Variants in MXD1 observed in about 807,000 individuals in gnomAD.
The protein encoded by MXD1 is MAX-binding protein.
Under a neutral mutation model 25.7 loss-of-function variants are expected in MXD1, and 9 were observed. The ratio of observed to expected loss-of-function variants is 0.35; its 90% CI spans 0.21 to 0.61. The LOEUF (loss-of-function observed/expected upper bound fraction) is 0.61, where lower values mean the gene tolerates loss of function less well. Ranked by LOEUF, MXD1 falls within the 20% of genes least tolerant of loss-of-function variation. The pLI is 0.75. For synonymous variants in MXD1, 99 were observed against 113.9 expected (o/e 0.87, Z 0.83); for missense variants, 227 against 292.4 (o/e 0.78, Z 1.63).
At chr2:69,934,560 CTCTG>C (rs1215375033) in intron 3 of MXD1, among the ~76,000 whole-genome samples, 2 of 152,282 alleles carry the variant, frequency 1.3e-5, no homozygotes, top group African/African-American at 4.8e-5. Flanking sequence ...CCTTCCTTAT[CTCTG>C]TCTGACTGTT....
At position 69,915,217 on chromosome 2, in the gene MXD1, G is replaced by T. The variant is rs372822770; in HGVS notation, c.-114G>T. ...AGGCTCCCTCAGCCCTGCTCCGCGG[G>T]GTCCACAGCGGGCTCCACAGCGGGC... On this transcript the variant is annotated 5_prime_UTR_variant, in exon 1 of 6. Transcript: ENST00000264444. This position sits in a 1 kb window ranked among gnomAD's most constrained non-coding sequence, Gnocchi z 5.8. 2.1e-5 allele frequency: 20 copies of T among 938,360 alleles called. No individual in the cohort carries two copies. In the African/African-American group the frequency reaches 2.6e-4, roughly 12 times the overall value. The allele number at this position is 938,360 out of a possible 1,614,324, so 58.1% of individuals were successfully genotyped here. A position where few individuals can be genotyped will look rare whatever the true frequency, so the allele number is the denominator to read the frequency against.
intron 5 of MXD1, 52 bp downstream of exon 5, chr2:69,937,446 A>AACAG: frequency 7.6e-7 from 1 of 1,317,690 alleles, no homozygotes; most frequent in Non-Finnish European, 1.0e-6. Context: ...CCAACCCCAG[A>AACAG]GCAGGGGTTC....
intron 3 of MXD1, among the ~76,000 whole-genome samples, chr2:69,930,719 TG>T (rs967472260): frequency 6.6e-6 from 1 of 152,216 alleles, no homozygotes; most frequent in African/African-American, 2.4e-5. Flanking sequence ...AGTTCCCTAT[TG>T]ATTGTAAAAG....
intron 3 of MXD1, among the ~76,000 whole-genome samples, chr2:69,926,191 T>C (rs1677166327): frequency 2.0e-5 from 3 of 152,234 alleles, no homozygotes; most frequent in Admixed American, 6.5e-5. Context: ...CATTTAGCTA[T>C]ACAGAATCAG....
chr2:69,934,199 C>T (rs143771825), intron 3 of MXD1, among the ~76,000 whole-genome samples: 1 of 152,170 alleles, frequency 6.6e-6, no homozygotes, highest in Non-Finnish European at 1.5e-5. Flanking sequence ...CAGTGAACTT[C>T]CCAGTGAATA....
At position 69,935,455 on chromosome 2, in the gene MXD1, T is replaced by A. The variant is rs1471416958; in HGVS notation, c.308T>A (p.Leu103Ter). ...TTLSLLTKAK[L>*]HIKKLEDCDR... Reference sequence around the variant, plus strand: ...TTGAGTTTATTAACAAAAGCCAAATTGCACATAAAGGTAAGTGTATTGTTG... The same window carrying A: ...TTGAGTTTATTAACAAAAGCCAAATAGCACATAAAGGTAAGTGTATTGTTG... The change falls in exon 4 of 6, where the codon TTG (leucine) becomes TAG (stop). Residue 103 changes from leucine to a stop codon, truncating the protein, a stop_gained. Transcript: ENST00000264444. LOFTEE classifies it high-confidence loss of function. 2 of 1,611,086 alleles carry A rather than the reference T, an allele frequency of 1.2e-6. No individual in the cohort carries two copies. Among genetic ancestry groups the A allele is most frequent in the Non-Finnish European group, 8.5e-7 (1 of 1,177,258 alleles).
chr2:69,921,860 C>T, intron 3 of MXD1, 95 bp downstream of exon 3: 4 of 1,156,044 alleles, frequency 3.5e-6, no homozygotes, highest in Non-Finnish European at 5.0e-6. Flanking sequence ...ACTCTTCCCA[C>T]TAGTAGCACC....
At chr2:69,921,830 A>G in intron 3 of MXD1, 65 bp downstream of exon 3, 1 of 1,561,712 alleles carries the variant, frequency 6.4e-7, no homozygotes, top group East Asian at 2.3e-5. Flanking sequence ...CATGCAGTTC[A>G]AACTTGGTTG....
chr2:69,919,246 A>G lies in MXD1; in HGVS notation c.174-2490A>G, dbSNP rs542007549. On this transcript the variant is annotated intron_variant, in intron 2 of 5. Transcript: ENST00000264444. The stretch of plus-strand genomic sequence containing the variant: ...TTATTTTCTACTCTCTTCTCAACCT[A>G]TTCACTTTCCTCTCCTCCACCTACA... Among the ~76,000 whole-genome samples the G allele has an allele frequency of 5.3e-5, 8 of 152,142 alleles. No homozygotes were observed. The South Asian group carries it at 1.7e-3, about 32-fold the overall frequency.
rs1677537050 is a variant in MXD1, at chr2:69,939,117, C to T, written c.*833C>T. On this transcript the variant is annotated 3_prime_UTR_variant, in exon 6 of 6. Coordinates refer to ENST00000264444, the MANE Select transcript of MXD1 (RefSeq NM_002357.4). ...CAGAGATAAATGAGATCTCCATTTCCCACTTAACACAGTGATTATCCTTTT... is the reference window on the plus strand; with the variant it reads ...CAGAGATAAATGAGATCTCCATTTCTCACTTAACACAGTGATTATCCTTTT... 6.6e-6 allele frequency: 1 copy of T among 152,380 alleles called. No homozygotes were observed. The highest frequency in any genetic ancestry group is 2.4e-5 in the African/African-American group (1 of 41,324). The allele number at this position is 152,380 out of a possible 1,614,324, so 9.4% of individuals were successfully genotyped here.
chr2:69,925,350 A>G (rs1272766694), intron 3 of MXD1, among the ~76,000 whole-genome samples: 2 of 152,166 alleles, frequency 1.3e-5, no homozygotes, highest in Non-Finnish European at 2.9e-5. Flanking sequence ...TAAATTGTCC[A>G]TAGTTCTAGC....
At position 69,941,329 on chromosome 2, in the gene MXD1, GTCGTCT is replaced by G. The variant is rs1677596112; in HGVS notation, c.*3046_*3051del. 6.6e-6 allele frequency: 1 copy of G among 152,166 alleles called. No individual in the cohort carries two copies. The highest frequency in any genetic ancestry group is 1.5e-5 in the Non-Finnish European group (1 of 68,044). 9.4% of individuals were successfully genotyped at this position (152,166 alleles called of 1,614,324 possible). ...TTTGAATGGTGGGCCGAGCACCCAG[GTCGTCT>G]GTATTTTGGTTTTCTTTTGCTAAGC... On this transcript the variant is annotated 3_prime_UTR_variant, in exon 6 of 6. Coordinates refer to ENST00000264444, the MANE Select transcript of MXD1 (RefSeq NM_002357.4).
chr2:69,938,186 G>A lies in MXD1; in HGVS notation c.568G>A (p.Gly190Ser). Residue 190 changes from glycine to serine, a missense_variant, in exon 6 of 6, where the codon GGC (glycine) becomes AGC (serine). Physicochemically the swap from Gly to Ser is moderately conservative, Grantham distance 56. Transcript: ENST00000264444. The part of the protein sequence containing the change: ...SSSVSDSDER[G>S]SMQSLGSDEG... ...CAGTGTGAGCGACTCTGACGAGCGG[G>A]GCAGCATGCAGAGCCTCGGCAGTGA... 1 of 1,614,214 alleles carries A rather than the reference G, an allele frequency of 6.2e-7. No homozygotes were observed. The highest frequency in any genetic ancestry group is 8.5e-7 in the Non-Finnish European group (1 of 1,180,042).
At chr2:69,932,132 G>A (rs1462880667) in intron 3 of MXD1, among the ~76,000 whole-genome samples, 1 of 152,104 alleles carries the variant, frequency 6.6e-6, no homozygotes, top group Non-Finnish European at 1.5e-5. Flanking sequence ...GAGCTGAGAC[G>A]GGTGTTTGTT....
Position 69,915,248 on chromosome 2 carries a change from A to G in MXD1, c.-83A>G, listed in dbSNP as rs556602169. The G allele has an allele frequency of 2.6e-5, 31 of 1,213,892 alleles. No individual in the cohort carries two copies. In the East Asian group the frequency reaches 5.7e-4, roughly 22 times the overall value. 75.2% of individuals were successfully genotyped at this position (1,213,892 alleles called of 1,614,324 possible). On this transcript the variant is annotated 5_prime_UTR_variant, in exon 1 of 6. In the 5' UTR this introduces an upstream ATG that the reference lacks. Coordinates refer to ENST00000264444, the MANE Select transcript of MXD1 (RefSeq NM_002357.4). The surrounding 1 kb of genome is among the most constrained non-coding windows in gnomAD (Gnocchi z 5.8). ...CAGCGGGCTCCACAGCGGGCTCCAT[A>G]GCGGGCTCCACAGCGGTCCGGCGGC...
chr2:69,935,991 C>CTCTGCAGCACCA (rs1193548567), intron 4 of MXD1, among the ~76,000 whole-genome samples: 3 of 152,124 alleles, frequency 2.0e-5, no homozygotes, highest in Non-Finnish European at 1.5e-5. Context: ...CCTCACTTGC[C>CTCTGCAGCACCA]TCTGCAGCAC....
At chr2:69,934,443 G>A (rs538438907) in intron 3 of MXD1, among the ~76,000 whole-genome samples, 14 of 152,290 alleles carry the variant, frequency 9.2e-5, no homozygotes, top group African/African-American at 3.4e-4. Context: ...CGTGGCTGCT[G>A]CTTCATCCAG....
At chr2:69,922,429 G>A (rs1375960938) in intron 3 of MXD1, among the ~76,000 whole-genome samples, 3 of 152,122 alleles carry the variant, frequency 2.0e-5, no homozygotes, top group Non-Finnish European at 4.4e-5. Context: ...TTCAACTCTG[G>A]TTGCACATTA....
At chr2:69,930,285 C>T (rs1677254859) in intron 3 of MXD1, among the ~76,000 whole-genome samples, 1 of 152,176 alleles carries the variant, frequency 6.6e-6, no homozygotes, top group South Asian at 2.1e-4. Flanking sequence ...GTGAAGATCT[C>T]TGTGCTTGGA....
Sources: allele counts gnomAD v4.1 joint callset (sites outside exome capture counted in the v4.1 genomes callset), GRCh38; gene constraint gnomAD v4.1.1; non-coding constraint Gnocchi (gnomAD v3.1); transcripts MANE v1.5; gene names NCBI Gene and HGNC (gene_info 2026-07-23, HGNC 2026-07-21).